Variants in KIAA1549 observed in about 807,000 individuals in gnomAD.
KIAA1549 encodes UPF0606 protein KIAA1549.
A neutral mutation model predicts 156.4 loss-of-function variants in KIAA1549; 70 were observed. That is an observed-to-expected ratio of 0.45 (90% CI 0.37 to 0.55). The LOEUF is 0.55. Among genes scored for constraint, KIAA1549 ranks in the 20% least tolerant of loss-of-function variants. The pLI is 0.00. For synonymous variants in KIAA1549, 1,103 were observed against 1,066.4 expected (o/e 1.03, Z -0.67); for missense variants, 2,428 against 2,540.9 (o/e 0.96, Z 0.96).
chr7:138,943,693 C>T (rs1415172831), intron 1 of KIAA1549, among the ~76,000 whole-genome samples: 5 of 151,930 alleles, frequency 3.3e-5, no homozygotes, highest in Non-Finnish European at 5.9e-5. Context: ...ACTAAAAATA[C>T]AAAAATTTAG....
intron 12 of KIAA1549, among the ~76,000 whole-genome samples, chr7:138,874,063 T>C (rs904512865): frequency 2.7e-5 from 4 of 148,146 alleles, no homozygotes; most frequent in South Asian, 2.1e-4. Flanking sequence ...AGTAATTATA[T>C]ATTACATACT....
intron 11 of KIAA1549, among the ~76,000 whole-genome samples, chr7:138,881,113 A>C (rs12112949): frequency 0.032 from 4,823 of 152,286 alleles, 227 homozygotes; most frequent in African/African-American, 0.11. Flanking sequence ...GTCAATCTCT[A>C]ATCAAGTCTG....
At chr7:138,889,743 C>G (rs1811496753) in intron 10 of KIAA1549, among the ~76,000 whole-genome samples, 1 of 152,210 alleles carries the variant, frequency 6.6e-6, no homozygotes, top group Admixed American at 6.5e-5. Flanking sequence ...AGTGAGTCAT[C>G]ACCTTCTATA....
In KIAA1549 at chr7:138,836,494, G is replaced by A. The variant is rs1258180486; in HGVS notation, c.*1412C>T. ...CCCCATCATTAAGCGATGCATGACT[G>A]TCTTCGCTGATCTAATAAAAACAGG... is the stretch of plus-strand genomic sequence containing the variant. On this transcript the variant is annotated 3_prime_UTR_variant, in exon 20 of 20. Transcript: ENST00000422774. The A allele has an allele frequency of 1.9e-5, 4 of 214,644 alleles. No homozygotes were observed. The highest frequency in any genetic ancestry group is 3.8e-5 in the Non-Finnish European group (4 of 106,392). The allele number at this position is 214,644 out of a possible 1,614,324, so 13.3% of individuals were successfully genotyped here. A position where few individuals can be genotyped will look rare whatever the true frequency, so the allele number is the denominator to read the frequency against.
At chr7:138,854,387 CT>C (rs1810321753) in intron 16 of KIAA1549, among the ~76,000 whole-genome samples, 6 of 152,156 alleles carry the variant, frequency 3.9e-5, no homozygotes. Flanking sequence ...AGCTTACCTT[CT>C]CAAGGAAGCA....
Position 138,981,145 on chromosome 7 carries a change from G to GGGC in KIAA1549, c.122_124dup (p.Arg41dup), listed in dbSNP as rs986818086. 1.0e-4 allele frequency: 122 copies of GGGC among 1,203,930 alleles called. No individual in the cohort carries two copies. Among genetic ancestry groups the GGGC allele is most frequent in the African/African-American group, 3.0e-4 (19 of 63,250 alleles). 74.6% of individuals were successfully genotyped at this position (1,203,930 alleles called of 1,614,324 possible). A position where few individuals can be genotyped will look rare whatever the true frequency, so the allele number is the denominator to read the frequency against. ...CCAGAGGCCAGGAAGCAGCAGCCCC[G>GGGC]GGCGGCGGCGGCGGGCGCAGCGGGC... On this transcript the variant is annotated inframe_insertion, in exon 1 of 20. Coordinates refer to ENST00000422774, the MANE Select transcript of KIAA1549 (RefSeq NM_001164665.2). The surrounding 1 kb of genome is among the most constrained non-coding windows in gnomAD (Gnocchi z 4.5).
rs762238013 is a variant in KIAA1549, at chr7:138,883,108, AAAAAAAAAAT to A, written c.4033-1534_4033-1525del. ...CTCCCCTAAAAAAAAAAAAAAAAAAAAAAAAAAAATTCAGCCAGACATGGTATGGTGGTGC... is the reference window on the plus strand; with the variant it reads ...CTCCCCTAAAAAAAAAAAAAAAAAAATCAGCCAGACATGGTATGGTGGTGC... On this transcript the variant is annotated intron_variant, in intron 10 of 19. Transcript: ENST00000422774. Among the ~76,000 whole-genome samples, 61 of 143,538 alleles carry A rather than the reference AAAAAAAAAAT, an allele frequency of 4.2e-4. 5 individuals carry two copies. The highest frequency in any genetic ancestry group is 5.4e-4 in the Non-Finnish European group (36 of 66,690). The allele number at this position is 143,538 out of a possible 152,430, so 94.2% of individuals were successfully genotyped here.
chr7:138,957,459 CCTTCTT>C (rs57229286), intron 1 of KIAA1549, among the ~76,000 whole-genome samples: 14 of 125,286 alleles, frequency 1.1e-4, no homozygotes, highest in East Asian at 2.5e-4. Flanking sequence ...CCCTCCTTCT[CCTTCTT>C]CTTCTTCTTC....
At chr7:138,887,343 C>T (rs906458932) in intron 10 of KIAA1549, among the ~76,000 whole-genome samples, 1 of 152,002 alleles carries the variant, frequency 6.6e-6, no homozygotes, top group Non-Finnish European at 1.5e-5. Flanking sequence ...GTATTTAAAA[C>T]GTATTTAAAT....
In KIAA1549 at chr7:138,912,377, G is replaced by A. The variant is rs376231988; in HGVS notation, c.2962C>T (p.Leu988=). The A allele has an allele frequency of 1.1e-5, 17 of 1,613,208 alleles. No individual in the cohort carries two copies. The African/African-American group carries it at 1.7e-4, about 16-fold the overall frequency. Residue 988 remains leucine, a synonymous_variant, in exon 3 of 20, where the codon CTG becomes TTG. Coordinates refer to ENST00000422774, the MANE Select transcript of KIAA1549 (RefSeq NM_001164665.2). ...CCTGAGCCACCAGGACTCACCTTCA[G>A]TTCCACTGCACGGTTGAAGTGAATC... is the stretch of plus-strand genomic sequence containing the variant. ...LRIHFNRAVE[L]KVYELFTDFT...
Position 138,851,368 on chromosome 7 carries a change from A to G in KIAA1549, c.5294+855T>C, listed in dbSNP as rs149567157. 5.5e-3 allele frequency among the ~76,000 whole-genome samples: 843 copies of G among 152,244 alleles called. 6 individuals carry two copies. The highest frequency in any genetic ancestry group is 0.019 in the African/African-American group (796 of 41,538). Reference sequence around the variant, plus strand: ...AGAACTACACTAGAATCCTTCACTTATAACAGTCTAACATAAAGTAGCACT... The same window carrying G: ...AGAACTACACTAGAATCCTTCACTTGTAACAGTCTAACATAAAGTAGCACT... On this transcript the variant is annotated intron_variant, in intron 17 of 19. Coordinates refer to ENST00000422774, the MANE Select transcript of KIAA1549 (RefSeq NM_001164665.2).
chr7:138,930,050 G>C (rs984280779), intron 1 of KIAA1549, among the ~76,000 whole-genome samples: 1 of 152,344 alleles, frequency 6.6e-6, no homozygotes, highest in East Asian at 1.9e-4. Flanking sequence ...CAGAATGGAT[G>C]TGTGTTAACA....
At chr7:138,962,441 T>C (rs1813882527) in intron 1 of KIAA1549, among the ~76,000 whole-genome samples, 1 of 152,196 alleles carries the variant, frequency 6.6e-6, no homozygotes, top group Non-Finnish European at 1.5e-5. Context: ...TCTTGTGATT[T>C]TCTCTGACCA....
At chr7:138,930,470 T>C (rs920955156) in intron 1 of KIAA1549, among the ~76,000 whole-genome samples, 17 of 152,232 alleles carry the variant, frequency 1.1e-4, no homozygotes, top group Admixed American at 1.0e-3. Flanking sequence ...TCATCCACAC[T>C]GAAAATCTGT....
At chr7:138,939,201 A>C (rs889996946) in intron 1 of KIAA1549, among the ~76,000 whole-genome samples, 1 of 152,224 alleles carries the variant, frequency 6.6e-6, no homozygotes, top group East Asian at 1.9e-4. Context: ...TTAAAAAATT[A>C]TAACCACAAT....
At position 138,966,403 on chromosome 7, in the gene KIAA1549, T is replaced by C. The variant is rs1339688451; in HGVS notation, c.187+14680A>G. Among the ~76,000 whole-genome samples the C allele has an allele frequency of 3.9e-5, 6 of 151,938 alleles. No homozygotes were observed. In the South Asian group the frequency reaches 6.2e-4, roughly 16 times the overall value. ...AACTAATAGGATAGCTATATATATA[T>C]ACACACAGAGGAGTTTATTAAGGAG... On this transcript the variant is annotated intron_variant, in intron 1 of 19. Transcript: ENST00000422774.
At chr7:138,928,763 A>T (rs1241748528) in intron 1 of KIAA1549, among the ~76,000 whole-genome samples, 4 of 151,420 alleles carry the variant, frequency 2.6e-5, no homozygotes, top group South Asian at 2.1e-4. Flanking sequence ...ATTATGTCTT[A>T]AAAAAACAAT....
chr7:138,958,875 C>A (rs1003756844), intron 1 of KIAA1549, among the ~76,000 whole-genome samples: 1 of 150,296 alleles, frequency 6.7e-6, no homozygotes, highest in Non-Finnish European at 1.5e-5. Context: ...TGCACTATAG[C>A]CCAAAGGTTT....
intron 17 of KIAA1549, 122 bp from the exon 18 acceptor site, chr7:138,844,596 T>G: frequency 1.1e-6 from 1 of 907,436 alleles, no homozygotes; most frequent in Non-Finnish European, 1.5e-6. Context: ...AGCCATCTCC[T>G]CTCCTGGAAG....
Sources: gnomAD v4.1 joint callset for allele counts (sites outside exome capture counted in the v4.1 genomes callset) on GRCh38, gnomAD v4.1.1 for gene constraint, Gnocchi (gnomAD v3.1) non-coding constraint, MANE v1.5 for transcripts, NCBI Gene and HGNC (gene_info 2026-07-23, HGNC 2026-07-21) for gene names.